CAMK4: variants seen among roughly 807,000 people sequenced by gnomAD.
The protein encoded by CAMK4 is calcium/calmodulin-dependent protein kinase type IV.
CAMK4 carries 22 observed loss-of-function variants against 44.9 expected under a neutral mutation model. That is an observed-to-expected ratio of 0.49 (90% CI 0.35 to 0.70). CAMK4 has a LOEUF of 0.70. Ranked by LOEUF, CAMK4 falls within the 30% of genes least tolerant of loss-of-function variation. The pLI, the probability that CAMK4 is intolerant of heterozygous loss-of-function variation, is 0.01. For synonymous variants in CAMK4, 218 were observed against 215.4 expected, an observed-to-expected ratio of 1.01 and a Z score of -0.11; for missense variants, 498 against 586.8, an observed-to-expected ratio of 0.85 and a Z score of 1.56.
At chr5:111,451,249 T>C (rs1341182348) in intron 7 of CAMK4, among the ~76,000 whole-genome samples, 1 of 82,738 alleles carries the variant, frequency 1.2e-5, no homozygotes, top group Non-Finnish European at 2.6e-5. Flanking sequence ...TATAGGGAAA[T>C]TTATATATTT....
chr5:111,370,811 A>C (rs1015052988), intron 2 of CAMK4, among the ~76,000 whole-genome samples: 1 of 152,144 alleles, frequency 6.6e-6, no homozygotes, highest in Non-Finnish European at 1.5e-5. Context: ...ACTACTCAGG[A>C]GGCTGAGGCA....
intron 1 of CAMK4, among the ~76,000 whole-genome samples, chr5:111,294,440 C>CT (rs957330216): frequency 1.3e-5 from 2 of 152,156 alleles, no homozygotes; most frequent in Admixed American, 6.5e-5. Flanking sequence ...TTGTAATTTT[C>CT]TTTTTTTACT....
chr5:111,283,679 TTG>T (rs1751114889), intron 1 of CAMK4, among the ~76,000 whole-genome samples: 1 of 152,234 alleles, frequency 6.6e-6, no homozygotes, highest in Non-Finnish European at 1.5e-5. Context: ...AGGGTTGTAG[TTG>T]TCCAAGTGTG....
intron 1 of CAMK4, among the ~76,000 whole-genome samples, chr5:111,250,262 G>A (rs1304846354): frequency 6.6e-6 from 1 of 152,208 alleles, no homozygotes; most frequent in African/African-American, 2.4e-5. Context: ...TTCAGACAGA[G>A]TACATGAATA....
chr5:111,442,791 A>G (rs1161942521), intron 5 of CAMK4, among the ~76,000 whole-genome samples: 4 of 148,390 alleles, frequency 2.7e-5, no homozygotes, highest in Non-Finnish European at 5.9e-5. Flanking sequence ...TCTTATTAAC[A>G]TAATATTAAT....
intron 1 of CAMK4, among the ~76,000 whole-genome samples, chr5:111,310,943 A>C (rs1748176795): frequency 6.6e-6 from 1 of 152,188 alleles, no homozygotes; most frequent in South Asian, 2.1e-4. Flanking sequence ...TCACAGACAC[A>C]TAACAGATCT....
chr5:111,262,580 A>C (rs1248552978), intron 1 of CAMK4, among the ~76,000 whole-genome samples: 2 of 152,192 alleles, frequency 1.3e-5, no homozygotes, highest in East Asian at 1.9e-4. Flanking sequence ...AGTTGAATCA[A>C]TCTGAGGGGG....
At chr5:111,447,272 A>G (rs1366948429) in intron 6 of CAMK4, among the ~76,000 whole-genome samples, 1 of 152,218 alleles carries the variant, frequency 6.6e-6, no homozygotes, top group Non-Finnish European at 1.5e-5. Context: ...TGCACTCCAT[A>G]GAACACTGGT....
chr5:111,279,715 A>AGT (rs1750926041), intron 1 of CAMK4, among the ~76,000 whole-genome samples: 1 of 151,674 alleles, frequency 6.6e-6, no homozygotes, highest in Non-Finnish European at 1.5e-5. Context: ...TGCACTACAC[A>AGT]GTGTGTGTAT....
At chr5:111,426,775 G>A (rs73787176) in intron 5 of CAMK4, among the ~76,000 whole-genome samples, 3,896 of 152,270 alleles carry the variant, frequency 0.026, 173 homozygotes, top group African/African-American at 0.089. Flanking sequence ...ACCAAATTCA[G>A]CTGATGCCTG....
intron 1 of CAMK4, among the ~76,000 whole-genome samples, chr5:111,316,244 C>A (rs1411435647): frequency 6.6e-6 from 1 of 152,112 alleles, no homozygotes; most frequent in Non-Finnish European, 1.5e-5. Context: ...TGTCGCCAGT[C>A]CCCTAGGGAG....
chr5:111,439,474 A>T (rs567999923), intron 5 of CAMK4, among the ~76,000 whole-genome samples: 2 of 152,286 alleles, frequency 1.3e-5, no homozygotes, highest in African/African-American at 4.8e-5. Context: ...GAGATGAAGG[A>T]ATAGGATAAA....
intron 1 of CAMK4, among the ~76,000 whole-genome samples, chr5:111,316,520 T>G (rs1748430314): frequency 6.6e-6 from 1 of 152,168 alleles, no homozygotes; most frequent in Non-Finnish European, 1.5e-5. Context: ...GTGATTGATC[T>G]TCCTCTAGCT....
At chr5:111,385,722 C>T (rs985097538) in intron 4 of CAMK4, among the ~76,000 whole-genome samples, 13 of 152,220 alleles carry the variant, frequency 8.5e-5, no homozygotes, top group South Asian at 4.1e-4. Context: ...TACAGGCACA[C>T]GCCACCAGGT....
intron 5 of CAMK4, among the ~76,000 whole-genome samples, chr5:111,441,685 T>C (rs1753828221): frequency 6.6e-6 from 1 of 152,212 alleles, no homozygotes; most frequent in Non-Finnish European, 1.5e-5. Flanking sequence ...TATGATTACA[T>C]TGAACACATG....
intron 7 of CAMK4, among the ~76,000 whole-genome samples, chr5:111,469,172 A>AAATATATAT (rs1561507432): frequency 6.3e-5 from 2 of 31,970 alleles, no homozygotes; most frequent in African/African-American, 1.2e-4. Context: ...AAAAAAAAAA[A>AAATATATAT]ATATATATAT....
chr5:111,416,902 TC>T (rs1186127729), intron 5 of CAMK4, among the ~76,000 whole-genome samples: 3 of 152,192 alleles, frequency 2.0e-5, no homozygotes, highest in African/African-American at 7.2e-5. Context: ...TTTGACATCT[TC>T]CATATGTTAT....
At chr5:111,254,453 G>C (rs1222142997) in intron 1 of CAMK4, among the ~76,000 whole-genome samples, 1 of 152,138 alleles carries the variant, frequency 6.6e-6, no homozygotes, top group East Asian at 1.9e-4. Context: ...AAAACACAGG[G>C]AACAGACCTG....
Position 111,369,429 on chromosome 5 carries a change from T to C in CAMK4, c.241-5421T>C, listed in dbSNP as rs899775622. Among the ~76,000 whole-genome samples the C allele has an allele frequency of 5.3e-5, 8 of 152,174 alleles. No individual in the cohort carries two copies. The East Asian group carries it at 5.8e-4, about 11-fold the overall frequency. Reference sequence around the variant, plus strand: ...TTGCTGTATGAGAGATTAAAATTGATATATTTTTAAATTTACTAATTTTTA... The same window carrying C: ...TTGCTGTATGAGAGATTAAAATTGACATATTTTTAAATTTACTAATTTTTA... On this transcript the variant is annotated intron_variant, in intron 2 of 10. Transcript: ENST00000282356.
Sources: allele counts gnomAD v4.1 joint callset (sites outside exome capture counted in the v4.1 genomes callset), GRCh38; gene constraint gnomAD v4.1.1; transcripts MANE v1.5; gene names NCBI Gene and HGNC (gene_info 2026-07-23, HGNC 2026-07-21).